Variants in COL24A1 observed in about 807,000 individuals in gnomAD.
COL24A1 encodes collagen type XXIV alpha 1 chain.
Under a neutral mutation model 253.9 loss-of-function variants are expected in COL24A1, and 224 were observed. The observed-to-expected ratio is 0.88, with a 90% confidence interval of 0.79 to 0.99. COL24A1 has a LOEUF of 0.99. COL24A1 is among the 50% of genes least tolerant of loss of function. COL24A1 has a pLI of 0.00. For missense variants in COL24A1, 2,131 were observed against 2,068.5 expected, an observed-to-expected ratio of 1.03 and a Z score of -0.59; for synonymous variants, 685 against 673.7, an observed-to-expected ratio of 1.02 and a Z score of -0.26.
chr1:86,094,837 GAGC>G (rs1446513425), intron 5 of COL24A1, among the ~76,000 whole-genome samples: 1 of 151,866 alleles, frequency 6.6e-6, no homozygotes, highest in Non-Finnish European at 1.5e-5. Context: ...AGAGTAATTA[GAGC>G]TTATCTAGTA....
chr1:85,999,773 T>C (rs1421898172), intron 19 of COL24A1, among the ~76,000 whole-genome samples: 1 of 152,178 alleles, frequency 6.6e-6, no homozygotes, highest in African/African-American at 2.4e-5. Context: ...GGATGAACAT[T>C]TGTGACCAGT....
intron 1 of COL24A1, among the ~76,000 whole-genome samples, chr1:86,148,353 T>A (rs1467382316): frequency 6.6e-6 from 1 of 150,922 alleles, no homozygotes; most frequent in African/African-American, 2.4e-5. Flanking sequence ...CCCGGCTAAT[T>A]TTTTTTTTAT....
At chr1:85,883,187 T>C (rs147006358) in intron 32 of COL24A1, among the ~76,000 whole-genome samples, 287 of 152,200 alleles carry the variant, frequency 1.9e-3, no homozygotes, top group Admixed American at 3.4e-3. Flanking sequence ...TTTTTAATGT[T>C]TTTGGCTTCT....
chr1:85,949,167 T>C (rs1398482062), intron 24 of COL24A1, among the ~76,000 whole-genome samples: 1 of 152,306 alleles, frequency 6.6e-6, no homozygotes, highest in East Asian at 1.9e-4. Flanking sequence ...GACATGATTG[T>C]CACTTTTTCA....
chr1:86,105,398 G>A (rs1195842641), intron 5 of COL24A1, among the ~76,000 whole-genome samples: 1 of 152,194 alleles, frequency 6.6e-6, no homozygotes, highest in African/African-American at 2.4e-5. Flanking sequence ...CCAGAGGGCC[G>A]CTCTGCTGGT....
At chr1:85,838,866 C>A (rs980363697) in intron 42 of COL24A1, among the ~76,000 whole-genome samples, 56 of 152,258 alleles carry the variant, frequency 3.7e-4, no homozygotes, top group Non-Finnish European at 6.2e-4. Flanking sequence ...CATAATGATT[C>A]TACTAGGAAA....
chr1:85,856,626 C>T (rs765543302), intron 37 of COL24A1, among the ~76,000 whole-genome samples: 21 of 152,128 alleles, frequency 1.4e-4, no homozygotes, highest in African/African-American at 4.3e-4. Flanking sequence ...AAACTTTACG[C>T]GTCCAAAACC....
rs368469249 is a variant in COL24A1 at position 86,125,853 on chromosome 1, C to T, written c.483G>A (p.Glu161=). The T allele has an allele frequency of 1.1e-5, 18 of 1,613,192 alleles. No homozygotes were observed. In the African/African-American group the frequency reaches 2.1e-4, roughly 19 times the overall value. The part of the protein sequence containing the change: ...PAVFNYSVHD[E]QWHSFAITIR... ...TAGTAATGGCAAATGAGTGCCATTGCTCATCATGAACACTGTAGTTGAAAA... is the reference window on the plus strand; with the variant it reads ...TAGTAATGGCAAATGAGTGCCATTGTTCATCATGAACACTGTAGTTGAAAA... Residue 161 remains glutamate, a synonymous_variant, in exon 3 of 60, where the codon GAG becomes GAA. Coordinates refer to ENST00000370571, the MANE Select transcript of COL24A1 (RefSeq NM_152890.7).
chr1:85,976,101 T>G (rs768668182), intron 20 of COL24A1, among the ~76,000 whole-genome samples: 136 of 152,276 alleles, frequency 8.9e-4, no homozygotes, highest in African/African-American at 1.4e-3. Flanking sequence ...TTTGACTGAA[T>G]GCAAACTCTC....
chr1:85,823,350 T>C (rs991503013), intron 45 of COL24A1, among the ~76,000 whole-genome samples, 186 bp downstream of exon 45: 3 of 152,144 alleles, frequency 2.0e-5, no homozygotes, highest in African/African-American at 7.2e-5. Context: ...TCAAAACAAA[T>C]GACTCAATCA....
intron 53 of COL24A1, among the ~76,000 whole-genome samples, chr1:85,762,971 G>GGGCA (rs1177052844): frequency 2.1e-4 from 32 of 152,242 alleles, no homozygotes; most frequent in Middle Eastern, 3.4e-3. Context: ...CACCAGGATA[G>GGGCA]GGCAGGGCAA....
intron 25 of COL24A1, 62 bp downstream of exon 25, chr1:85,911,318 T>G: frequency 1.6e-6 from 2 of 1,258,426 alleles, no homozygotes; most frequent in Non-Finnish European, 1.2e-6. Flanking sequence ...CATATGAAAG[T>G]CTGCCTTTTG....
At chr1:85,818,337 A>G (rs1265121570) in intron 45 of COL24A1, among the ~76,000 whole-genome samples, 9 of 152,214 alleles carry the variant, frequency 5.9e-5, no homozygotes, top group Non-Finnish European at 1.5e-5. Flanking sequence ...CTGTACTTCT[A>G]AAAGGGACCT....
chr1:86,114,071 AT>A (rs1316748238), intron 4 of COL24A1, among the ~76,000 whole-genome samples: 1 of 152,134 alleles, frequency 6.6e-6, no homozygotes, highest in Non-Finnish European at 1.5e-5. Flanking sequence ...GGAAAAATTA[AT>A]ATCAATGAAA....
chr1:86,068,395 A>C (rs1557479926), intron 7 of COL24A1, among the ~76,000 whole-genome samples: 1 of 152,190 alleles, frequency 6.6e-6, no homozygotes, highest in African/African-American at 2.4e-5. Context: ...CATTGAACTC[A>C]GTGCTTCCCT....
In COL24A1 at chr1:85,887,303, AAG is replaced by A. The variant is rs548909404; in HGVS notation, c.2976+2255_2976+2256del. Among the ~76,000 whole-genome samples, 407 of 152,262 alleles carry A rather than the reference AAG, an allele frequency of 2.7e-3. 1 individual carries two copies. Among genetic ancestry groups the A allele is most frequent in the African/African-American group, 8.2e-3 (341 of 41,554 alleles). On this transcript the variant is annotated intron_variant, in intron 32 of 59. Coordinates refer to ENST00000370571, the MANE Select transcript of COL24A1 (RefSeq NM_152890.7). ...GAAGAATAAATGAACAAAATAATAA[AAG>A]AGAGAATGGACAAATATCACCATTC... is the stretch of plus-strand genomic sequence containing the variant.
intron 32 of COL24A1, among the ~76,000 whole-genome samples, chr1:85,883,112 G>A (rs544470920): frequency 6.6e-6 from 1 of 152,098 alleles, no homozygotes. Context: ...ACTGTGGACT[G>A]CGTTAGTTTT....
intron 28 of COL24A1, among the ~76,000 whole-genome samples, chr1:85,906,841 T>A (rs1033130445): frequency 5.3e-5 from 8 of 151,946 alleles, no homozygotes; most frequent in African/African-American, 1.9e-4. Flanking sequence ...TGTCATGATG[T>A]TATTTTTCCT....
rs1388474621 is a variant in COL24A1, at chr1:85,965,040, T to C, written c.2486A>G (p.Tyr829Cys). ...GCCTTCTGGTCCTGGTTCACCTGCA[T>C]ACCCCTTTTGACCTGGTTTTCCCTA... is the stretch of plus-strand genomic sequence containing the variant. ...GPRGKPGQKG[Y>C]AGEPGPEGLK... Residue 829 changes from tyrosine (Y) to cysteine (C), a missense_variant, in exon 23 of 60, where the codon TAT becomes TGT. Physicochemically the swap from Tyr to Cys is radical, Grantham distance 194. Transcript: ENST00000370571. The C allele has an allele frequency of 3.1e-6, 5 of 1,611,134 alleles. No individual in the cohort carries two copies. Among genetic ancestry groups the C allele is most frequent in the Admixed American group, 1.7e-5 (1 of 59,862 alleles).
Sources: allele counts gnomAD v4.1 joint callset (sites outside exome capture counted in the v4.1 genomes callset), GRCh38; gene constraint gnomAD v4.1.1; transcripts MANE v1.5; gene names NCBI Gene and HGNC (gene_info 2026-07-23, HGNC 2026-07-21).